Variants in MTMR9 observed in about 807,000 individuals in gnomAD.
MTMR9 encodes myotubularin-related protein 9.
A neutral mutation model predicts 69.5 loss-of-function variants in MTMR9; 39 were observed. That is an observed-to-expected ratio of 0.56 (90% CI 0.43 to 0.73). The LOEUF is 0.73. Among genes scored for constraint, MTMR9 ranks in the 30% least tolerant of loss-of-function variants. The probability of loss-of-function intolerance (pLI) is 0.00; values close to 1 mark genes in which losing one functional copy is unlikely to be tolerated. For missense variants in MTMR9, 900 were observed against 671.2 expected, an observed-to-expected ratio of 1.34 and a Z score of -3.77; for synonymous variants, 354 against 240.8, an observed-to-expected ratio of 1.47 and a Z score of -4.35.
At chr8:11,332,470 C>A (rs148168302), downstream of MTMR9, among the ~76,000 whole-genome samples, 811 of 151,806 alleles carry the variant, frequency 5.3e-3, 5 homozygotes, top group African/African-American at 0.017. Context: ...GATGTTTGAA[C>A]AAAATGAGAA....
chr8:11,296,204 C>A (rs76220233), intron 2 of MTMR9, among the ~76,000 whole-genome samples: 7,876 of 152,138 alleles, frequency 0.052, 720 homozygotes, highest in African/African-American at 0.18. Context: ...TGGTAAAGTA[C>A]TTAACATCTC....
At chr8:11,315,537 C>T (rs959429424) in intron 7 of MTMR9, among the ~76,000 whole-genome samples, 1 of 152,202 alleles carries the variant, frequency 6.6e-6, no homozygotes, top group African/African-American at 2.4e-5. Flanking sequence ...TCACTCATAA[C>T]AGGGATTGAT....
intron 2 of MTMR9, among the ~76,000 whole-genome samples, chr8:11,295,927 C>G (rs921153661): frequency 6.6e-6 from 1 of 152,190 alleles, no homozygotes; most frequent in African/African-American, 2.4e-5. Flanking sequence ...CTTAGAGACA[C>G]TGCAAACCAC....
chr8:11,307,802 T>A (rs992665901), intron 5 of MTMR9, among the ~76,000 whole-genome samples: 1 of 152,256 alleles, frequency 6.6e-6, no homozygotes, highest in Non-Finnish European at 1.5e-5. Flanking sequence ...TGATGAGTGA[T>A]GCAGAGCATT....
chr8:11,332,755 C>G (rs556509818), downstream of MTMR9, among the ~76,000 whole-genome samples: 1 of 152,146 alleles, frequency 6.6e-6, no homozygotes, highest in Non-Finnish European at 1.5e-5. Flanking sequence ...GTGCATGCCA[C>G]CACACGCAGC....
At chr8:11,298,720 A>ACG (rs35471543) in intron 2 of MTMR9, 262,508 of 720,798 alleles carry the variant, frequency 0.36, 37,850 homozygotes, top group East Asian at 0.65. Flanking sequence ...TCCCCGCTGC[A>ACG]CCCCCCCCCC....
chr8:11,310,648 C>G (rs1486890290), intron 6 of MTMR9, among the ~76,000 whole-genome samples: 1 of 152,012 alleles, frequency 6.6e-6, no homozygotes, highest in Non-Finnish European at 1.5e-5. Context: ...GAATTAAAGA[C>G]CAAGGTTCTG....
Position 11,325,881 on chromosome 8 carries a change from A to C in MTMR9, c.*3093A>C, listed in dbSNP as rs1800910090. On this transcript the variant is annotated 3_prime_UTR_variant, in exon 10 of 10. Coordinates refer to ENST00000221086, the MANE Select transcript of MTMR9 (RefSeq NM_015458.4). ...CCAAGAAAACTTAGGGTCTCAAAGC[A>C]AGATTTTAAAGTGATTTTTGAGAAG... 6.6e-6 allele frequency: 1 copy of C among 152,192 alleles called. No individual in the cohort carries two copies. Among genetic ancestry groups the C allele is most frequent in the Non-Finnish European group, 1.5e-5 (1 of 68,044 alleles). 9.4% of individuals were successfully genotyped at this position (152,192 alleles called of 1,614,324 possible).
downstream of MTMR9, chr8:11,331,815 G>T (rs1801243771): frequency 1.9e-6 from 3 of 1,611,736 alleles, no homozygotes; most frequent in Non-Finnish European, 2.5e-6. Context: ...CTGTGTGCCA[G>T]GCCTCTTTGT....
chr8:11,314,269 A>C lies in MTMR9; in HGVS notation c.972-654A>C, dbSNP rs570174964. ...GGAGGGGAGAAGATGTAGTAAATTTAGTTTTGGTGTTTTCTTTCATTCTCT... is the reference window on the plus strand; with the variant it reads ...GGAGGGGAGAAGATGTAGTAAATTTCGTTTTGGTGTTTTCTTTCATTCTCT... On this transcript the variant is annotated intron_variant, in intron 6 of 9. Coordinates refer to ENST00000221086, the MANE Select transcript of MTMR9 (RefSeq NM_015458.4). Among the ~76,000 whole-genome samples, 3 of 152,298 alleles carry C rather than the reference A, an allele frequency of 2.0e-5. No homozygotes were observed. In the East Asian group the frequency reaches 5.8e-4, roughly 29 times the overall value.
At chr8:11,293,501 C>G (rs1585109662) in intron 1 of MTMR9, among the ~76,000 whole-genome samples, 2 of 152,298 alleles carry the variant, frequency 1.3e-5, no homozygotes. Flanking sequence ...TGCCCCGTGG[C>G]TTACCTTTTC....
intron 8 of MTMR9, chr8:11,319,109 A>T (rs1428697333): frequency 1.3e-5 from 2 of 152,064 alleles, no homozygotes; most frequent in Non-Finnish European, 1.5e-5. Context: ...AAAATTAAAA[A>T]AAAAAACAAT....
chr8:11,317,688 C>G (rs1015036298), intron 8 of MTMR9: 1 of 152,418 alleles, frequency 6.6e-6, no homozygotes, highest in East Asian at 1.9e-4. Context: ...TTTGTTACAC[C>G]TAGAAACTGT....
intron 1 of MTMR9, among the ~76,000 whole-genome samples, chr8:11,294,032 T>C (rs1430649331): frequency 6.6e-6 from 1 of 152,242 alleles, no homozygotes; most frequent in Non-Finnish European, 1.5e-5. Flanking sequence ...GACATTTGCA[T>C]TTCCATATGA....
chr8:11,311,487 C>G (rs1800196202), intron 6 of MTMR9, among the ~76,000 whole-genome samples: 1 of 152,152 alleles, frequency 6.6e-6, no homozygotes, highest in Admixed American at 6.5e-5. Context: ...ATTTGGTTTT[C>G]TAGTGCATAT....
intron 6 of MTMR9, among the ~76,000 whole-genome samples, chr8:11,310,602 G>T (rs1164382789): frequency 6.6e-6 from 1 of 152,088 alleles, no homozygotes; most frequent in East Asian, 1.9e-4. Context: ...TCTGTTTTAG[G>T]CGTTAGGTGA....
At chr8:11,313,366 A>G (rs78887547) in intron 6 of MTMR9, among the ~76,000 whole-genome samples, 2,153 of 152,362 alleles carry the variant, frequency 0.014, 77 homozygotes, top group East Asian at 0.14. Context: ...CCATGTGAGC[A>G]GTAAGGCTGT....
intron 1 of MTMR9, among the ~76,000 whole-genome samples, chr8:11,293,884 T>C (rs1451262552): frequency 6.6e-6 from 1 of 152,228 alleles, no homozygotes; most frequent in Non-Finnish European, 1.5e-5. Context: ...TGGACTCTTT[T>C]TTTCTGTTCA....
At chr8:11,328,373 T>G (rs62488616), downstream of MTMR9, among the ~76,000 whole-genome samples, 3,941 of 128,800 alleles carry the variant, frequency 0.031, 66 homozygotes, top group African/African-American at 0.055. Flanking sequence ...GTGTGTGTGT[T>G]TGTTACACTG....
Sources: gnomAD v4.1 joint callset for allele counts (sites outside exome capture counted in the v4.1 genomes callset) on GRCh38, gnomAD v4.1.1 for gene constraint, MANE v1.5 for transcripts, NCBI Gene and HGNC (gene_info 2026-07-23, HGNC 2026-07-21) for gene names.